Variants in LRRIQ3 observed in about 807,000 individuals in gnomAD.
The protein encoded by LRRIQ3 is leucine-rich repeat and IQ domain-containing protein 3.
Under a neutral mutation model 59.3 loss-of-function variants are expected in LRRIQ3, and 75 were observed. The ratio of observed to expected loss-of-function variants is 1.26; its 90% confidence interval spans 1.05 to 1.53. The LOEUF (loss-of-function observed/expected upper bound fraction) is 1.53, where lower values mean the gene tolerates loss of function less well. LRRIQ3 is among the 40% of genes most tolerant of loss of function. The pLI, the probability that LRRIQ3 is intolerant of heterozygous loss-of-function variation, is 0.00. For synonymous variants in LRRIQ3, 250 were observed against 231.3 expected, an observed-to-expected ratio of 1.08 and a Z score of -0.73; for missense variants, 831 against 710.0, an observed-to-expected ratio of 1.17 and a Z score of -1.94.
chr1:74,128,598 G>A (rs1273261538), intron 4 of LRRIQ3, among the ~76,000 whole-genome samples: 4 of 151,992 alleles, frequency 2.6e-5, no homozygotes, highest in Non-Finnish European at 4.4e-5. Context: ...TTAGTCCCTG[G>A]TTCATTATTT....
At chr1:74,111,716 C>T (rs151285001) in intron 4 of LRRIQ3, among the ~76,000 whole-genome samples, 1 of 152,164 alleles carries the variant, frequency 6.6e-6, no homozygotes, top group East Asian at 1.9e-4. Context: ...AACAGTGAAT[C>T]TTTGCCATTT....
At chr1:74,149,801 C>A (rs914292508) in intron 4 of LRRIQ3, among the ~76,000 whole-genome samples, 2 of 152,126 alleles carry the variant, frequency 1.3e-5, no homozygotes, top group Admixed American at 1.3e-4. Context: ...TTTGTAGCTG[C>A]TAGGCAATAG....
intron 4 of LRRIQ3, among the ~76,000 whole-genome samples, chr1:74,125,322 C>T (rs1250748588): frequency 6.6e-6 from 1 of 151,848 alleles, no homozygotes; most frequent in African/African-American, 2.4e-5. Flanking sequence ...TTGACTTATT[C>T]CTTTCCAATT....
At chr1:74,164,656 G>GA (rs986678954) in intron 3 of LRRIQ3, among the ~76,000 whole-genome samples, 14 of 150,650 alleles carry the variant, frequency 9.3e-5, no homozygotes, top group African/African-American at 1.5e-4. Flanking sequence ...CAAAATTTTT[G>GA]AAAAAAAATT....
intron 3 of LRRIQ3, among the ~76,000 whole-genome samples, chr1:74,162,828 C>T (rs1449379829): frequency 3.1e-4 from 47 of 151,366 alleles, no homozygotes; most frequent in Admixed American, 3.0e-3. Flanking sequence ...ACAGAGGATA[C>T]TAGAGGCTGG....
chr1:74,174,116 T>C (rs1023795512), intron 3 of LRRIQ3, among the ~76,000 whole-genome samples: 23 of 150,724 alleles, frequency 1.5e-4, no homozygotes, highest in African/African-American at 5.7e-4. Flanking sequence ...CCCTCTTTTC[T>C]CTCTGTCTCT....
At chr1:74,093,447 A>G (rs1405128244) in intron 5 of LRRIQ3, among the ~76,000 whole-genome samples, 1 of 152,088 alleles carries the variant, frequency 6.6e-6, no homozygotes, top group African/African-American at 2.4e-5. Flanking sequence ...TATTATAGGT[A>G]TGCTGTTTCT....
chr1:74,154,040 G>C (rs1244507426), intron 4 of LRRIQ3, among the ~76,000 whole-genome samples: 1 of 151,778 alleles, frequency 6.6e-6, no homozygotes, highest in Non-Finnish European at 1.5e-5. Flanking sequence ...AGGAGATTGA[G>C]ACCATCCTGG....
At chr1:74,174,829 A>T (rs901660390) in intron 3 of LRRIQ3, among the ~76,000 whole-genome samples, 4 of 152,106 alleles carry the variant, frequency 2.6e-5, no homozygotes, top group Admixed American at 6.5e-5. Context: ...GTTCACTAAG[A>T]TTCTTTCAGA....
chr1:74,113,048 TTAAG>T (rs1264056823), intron 4 of LRRIQ3, among the ~76,000 whole-genome samples: 3 of 151,982 alleles, frequency 2.0e-5, no homozygotes, highest in African/African-American at 7.2e-5. Context: ...AAAATCAAGC[TTAAG>T]TAAGTAAATA....
At chr1:74,027,051 T>A in intron 7 of LRRIQ3, 82 bp from the exon 8 acceptor site, 1 of 920,292 alleles carries the variant, frequency 1.1e-6, no homozygotes, top group Non-Finnish European at 1.6e-6. Flanking sequence ...TTAATGATAA[T>A]AATTAGATGT....
intron 6 of LRRIQ3, among the ~76,000 whole-genome samples, chr1:74,049,783 T>A (rs1366804280): frequency 6.6e-6 from 1 of 152,172 alleles, no homozygotes; most frequent in Non-Finnish European, 1.5e-5. Flanking sequence ...ATTTAAAACT[T>A]TCACTAATGT....
chr1:74,195,032 G>T (rs538524697), intron 1 of LRRIQ3, among the ~76,000 whole-genome samples: 1 of 152,178 alleles, frequency 6.6e-6, no homozygotes, highest in East Asian at 1.9e-4. Flanking sequence ...ACTAAGGGAG[G>T]AAGTATAATA....
chr1:74,065,141 C>G (rs569998454), intron 6 of LRRIQ3, among the ~76,000 whole-genome samples: 10 of 152,210 alleles, frequency 6.6e-5, no homozygotes, highest in African/African-American at 2.2e-4. Context: ...CACAAGATAG[C>G]TGGCACTACA....
intron 5 of LRRIQ3, among the ~76,000 whole-genome samples, chr1:74,075,930 C>T (rs1570074295): frequency 6.6e-6 from 1 of 152,128 alleles, no homozygotes; most frequent in South Asian, 2.1e-4. Context: ...AGGACACAGG[C>T]CCTGTATCTT....
At chr1:74,187,434 C>T (rs1650476349) in intron 1 of LRRIQ3, among the ~76,000 whole-genome samples, 1 of 151,740 alleles carries the variant, frequency 6.6e-6, no homozygotes, top group Non-Finnish European at 1.5e-5. Context: ...TCTTCTGCAG[C>T]AACTTGGATG....
chr1:74,097,846 AG>A (rs1327169435), intron 5 of LRRIQ3, among the ~76,000 whole-genome samples: 9 of 152,148 alleles, frequency 5.9e-5, no homozygotes, highest in Non-Finnish European at 1.2e-4. Context: ...TTTACAGACA[AG>A]CAAAAGTTGA....
intron 4 of LRRIQ3, among the ~76,000 whole-genome samples, chr1:74,124,618 T>C (rs1199847109): frequency 1.3e-5 from 2 of 151,888 alleles, no homozygotes. Flanking sequence ...GAAGAGACTG[T>C]CTTTCTCCAA....
intron 6 of LRRIQ3, among the ~76,000 whole-genome samples, chr1:74,048,548 ACC>A (rs1654270935): frequency 6.6e-6 from 1 of 152,136 alleles, no homozygotes; most frequent in Admixed American, 6.6e-5. Context: ...TGATTCATTC[ACC>A]AATTAATTCA....
Sources: allele counts gnomAD v4.1 joint callset (sites outside exome capture counted in the v4.1 genomes callset), GRCh38; gene constraint gnomAD v4.1.1; transcripts MANE v1.5; gene names NCBI Gene and HGNC (gene_info 2026-07-23, HGNC 2026-07-21).